The following LRRC4C variants were observed in gnomAD, a reference collection of about 807,000 sequenced individuals.
LRRC4C encodes leucine rich repeat containing 4C.
A neutral mutation model predicts 33.6 loss-of-function variants in LRRC4C; 5 were observed. The ratio of observed to expected loss-of-function variants is 0.15; its 90% CI spans 0.08 to 0.31. LRRC4C has a LOEUF of 0.31. Ranked by LOEUF, LRRC4C falls within the 10% of genes least tolerant of loss-of-function variation. The probability of loss-of-function intolerance (pLI) is 1.00; values close to 1 mark genes in which losing one functional copy is unlikely to be tolerated. For missense variants in LRRC4C, 560 were observed against 796.7 expected (o/e 0.70, Z 3.58); for synonymous variants, 329 against 302.0 (o/e 1.09, Z -0.93).
At chr11:40,913,339 C>T (rs1305542804) in intron 2 of LRRC4C, among the ~76,000 whole-genome samples, 2 of 152,148 alleles carry the variant, frequency 1.3e-5, no homozygotes, top group Non-Finnish European at 2.9e-5. Context: ...GAAATTATAA[C>T]AAACTGTCTC....
At chr11:40,673,688 A>T (rs1326451655) in intron 2 of LRRC4C, among the ~76,000 whole-genome samples, 1 of 152,182 alleles carries the variant, frequency 6.6e-6, no homozygotes, top group Non-Finnish European at 1.5e-5. Context: ...TATAAAGGAG[A>T]TAAATAAGTA....
At chr11:40,151,822 G>A (rs1858238658) in intron 5 of LRRC4C, among the ~76,000 whole-genome samples, 1 of 152,112 alleles carries the variant, frequency 6.6e-6, no homozygotes, top group East Asian at 1.9e-4. Context: ...GTTGTTCCCA[G>A]AAGATACTCC....
intron 1 of LRRC4C, among the ~76,000 whole-genome samples, chr11:40,959,433 C>A (rs1959099737): frequency 1.3e-5 from 2 of 151,498 alleles, no homozygotes; most frequent in African/African-American, 2.4e-5. Flanking sequence ...AAAAAAAATC[C>A]ATTTTTATTA....
intron 2 of LRRC4C, among the ~76,000 whole-genome samples, chr11:40,907,147 C>T (rs1956458984): frequency 6.6e-6 from 1 of 152,228 alleles, no homozygotes; most frequent in South Asian, 2.1e-4. Flanking sequence ...AGTCTTCTAT[C>T]AGATAGTTCA....
chr11:40,355,935 C>CACAGTATAGTATAGTATTGT (rs1947636631), intron 3 of LRRC4C, among the ~76,000 whole-genome samples: 2 of 106,278 alleles, frequency 1.9e-5, no homozygotes, highest in Non-Finnish European at 4.0e-5. Context: ...GTTTTACATT[C>CACAGTATAGTATAGTATTGT]ATAGTATAGT....
intron 2 of LRRC4C, among the ~76,000 whole-genome samples, chr11:40,756,911 C>T (rs1225022452): frequency 6.6e-6 from 1 of 151,120 alleles, no homozygotes; most frequent in African/African-American, 2.4e-5. Context: ...TTCAAAATTT[C>T]CTTGAGGATT....
intron 1 of LRRC4C, among the ~76,000 whole-genome samples, chr11:41,450,871 T>C (rs907285863): frequency 2.6e-5 from 4 of 152,138 alleles, no homozygotes; most frequent in African/African-American, 7.2e-5. Flanking sequence ...CTTCACAATA[T>C]ACATATTTAA....
At chr11:41,047,644 A>C (rs986479694) in intron 1 of LRRC4C, among the ~76,000 whole-genome samples, 2 of 152,206 alleles carry the variant, frequency 1.3e-5, no homozygotes, top group African/African-American at 4.8e-5. Flanking sequence ...TGATGACCCC[A>C]TTCCTTGCTC....
chr11:40,476,342 C>CTTTTTTTTTTTT (rs71308392), intron 3 of LRRC4C, among the ~76,000 whole-genome samples: 17 of 81,362 alleles, frequency 2.1e-4, no homozygotes, highest in East Asian at 3.8e-4. Flanking sequence ...TTTTTTTCTT[C>CTTTTTTTTTTTT]TTTTTTTTTT....
At chr11:40,791,902 C>A (rs1339997220) in intron 2 of LRRC4C, among the ~76,000 whole-genome samples, 1 of 151,968 alleles carries the variant, frequency 6.6e-6, no homozygotes, top group Admixed American at 6.6e-5. Context: ...GCTATGCAAA[C>A]CCATGAGTTT....
chr11:40,508,064 A>G (rs928709991), intron 3 of LRRC4C, among the ~76,000 whole-genome samples: 1 of 152,144 alleles, frequency 6.6e-6, no homozygotes, highest in Non-Finnish European at 1.5e-5. Context: ...GCCCAAATTT[A>G]AATGTTATAT....
intron 3 of LRRC4C, among the ~76,000 whole-genome samples, chr11:40,337,206 T>C (rs1010427618): frequency 2.0e-5 from 3 of 151,884 alleles, no homozygotes; most frequent in African/African-American, 7.3e-5. Flanking sequence ...CATGAGAAAA[T>C]CAGCATGGGT....
At chr11:41,232,289 A>G (rs1947837950) in intron 1 of LRRC4C, among the ~76,000 whole-genome samples, 1 of 152,014 alleles carries the variant, frequency 6.6e-6, no homozygotes, top group African/African-American at 2.4e-5. Flanking sequence ...GGGTTTCTCA[A>G]CTTCGGTGAC....
At chr11:41,455,890 T>G (rs926416084) in intron 1 of LRRC4C, among the ~76,000 whole-genome samples, 1 of 152,030 alleles carries the variant, frequency 6.6e-6, no homozygotes, top group Non-Finnish European at 1.5e-5. Flanking sequence ...ATCCAGAGGG[T>G]TTTTTTCTTC....
chr11:41,020,098 CT>C (rs950038590), intron 1 of LRRC4C, among the ~76,000 whole-genome samples: 4 of 152,040 alleles, frequency 2.6e-5, no homozygotes, highest in Non-Finnish European at 5.9e-5. Flanking sequence ...CAAACCCCTA[CT>C]TTTAACTATT....
intron 3 of LRRC4C, among the ~76,000 whole-genome samples, chr11:40,537,734 A>G (rs1478797739): frequency 6.6e-6 from 1 of 152,138 alleles, no homozygotes; most frequent in Non-Finnish European, 1.5e-5. Context: ...CATGATATAT[A>G]TATATGTGGA....
At chr11:40,630,018 T>G (rs1301260040) in intron 3 of LRRC4C, among the ~76,000 whole-genome samples, 1 of 152,092 alleles carries the variant, frequency 6.6e-6, no homozygotes, top group East Asian at 1.9e-4. Context: ...CTAAAATCTA[T>G]AATAAATAAT....
chr11:40,314,773 T>C (rs1336891071), intron 4 of LRRC4C, among the ~76,000 whole-genome samples: 1 of 152,088 alleles, frequency 6.6e-6, no homozygotes, highest in African/African-American at 2.4e-5. Context: ...TGGAGGACAT[T>C]ATGTTAAGTG....
chr11:40,619,656 A>C (rs1175538975), intron 3 of LRRC4C, among the ~76,000 whole-genome samples: 2 of 151,558 alleles, frequency 1.3e-5, no homozygotes, highest in African/African-American at 2.4e-5. Context: ...GCCTTCCCCT[A>C]CTGCAGCCTC....
Sources: gnomAD v4.1 joint callset for allele counts (sites outside exome capture counted in the v4.1 genomes callset) on GRCh38, gnomAD v4.1.1 for gene constraint, MANE v1.5 for transcripts, NCBI Gene and HGNC (gene_info 2026-07-23, HGNC 2026-07-21) for gene names.